The following RPS6KC1 variants were observed in gnomAD, a reference collection of about 807,000 sequenced individuals.
RPS6KC1 encodes ribosomal protein S6 kinase C1, also known as inactive ribosomal protein S6 kinase delta-1.
In RPS6KC1, 54 loss-of-function variants were observed where a neutral mutation model predicts 103.8. The ratio of observed to expected loss-of-function variants is 0.52; its 90% CI spans 0.42 to 0.65. RPS6KC1 has a LOEUF of 0.65. Ranked by LOEUF, RPS6KC1 falls within the 30% of genes least tolerant of loss-of-function variation. RPS6KC1 has a pLI of 0.00. For missense variants in RPS6KC1, 1,151 were observed against 1,253.8 expected (o/e 0.92, Z 1.24); for synonymous variants, 439 against 438.7 (o/e 1.00, Z -0.01).
At chr1:213,634,739 C>T in the RPS6KC1 span, among the ~76,000 whole-genome samples, 2 of 150,100 alleles carry the variant, frequency 1.3e-5, no homozygotes, top group African/African-American at 2.5e-5. Context: ...CAGATCAGAA[C>T]TGAAAGAGAT....
At chr1:213,415,490 G>A in the RPS6KC1 span, among the ~76,000 whole-genome samples, 1,244 of 152,296 alleles carry the variant, frequency 8.2e-3, 8 homozygotes, top group East Asian at 0.022. Flanking sequence ...TGTACAATCC[G>A]AGGTGGGGCA....
chr1:213,180,193 A>T (rs1005939552), intron 8 of RPS6KC1, among the ~76,000 whole-genome samples: 1 of 152,144 alleles, frequency 6.6e-6, no homozygotes, highest in African/African-American at 2.4e-5. Flanking sequence ...CAAATAGTTG[A>T]GGGCTGTCTT....
chr1:213,609,213 C>T, the RPS6KC1 span, among the ~76,000 whole-genome samples: 1,231 of 152,302 alleles, frequency 8.1e-3, 19 homozygotes, highest in African/African-American at 0.029. Context: ...ATCCTGCAAA[C>T]AAATTGTTAA....
the RPS6KC1 span, among the ~76,000 whole-genome samples, chr1:213,536,605 T>C: frequency 1.3e-5 from 2 of 152,254 alleles, no homozygotes; most frequent in East Asian, 3.9e-4. Context: ...TCATCCTACC[T>C]TGATAAAAGG....
the RPS6KC1 span, among the ~76,000 whole-genome samples, chr1:213,796,266 G>A: frequency 3.9e-5 from 6 of 152,158 alleles, no homozygotes; most frequent in South Asian, 8.3e-4. Flanking sequence ...ATGACATTAC[G>A]GTGACTCGCT....
chr1:213,412,436 C>G, the RPS6KC1 span, among the ~76,000 whole-genome samples: 1 of 152,240 alleles, frequency 6.6e-6, no homozygotes, highest in East Asian at 1.9e-4. Flanking sequence ...TCCTGACCAC[C>G]TTACGTCATG....
chr1:213,702,421 T>C, the RPS6KC1 span, among the ~76,000 whole-genome samples: 2 of 152,050 alleles, frequency 1.3e-5, no homozygotes, highest in Non-Finnish European at 2.9e-5. Context: ...TGTAAATATA[T>C]ATTAGATCCT....
intron 9 of RPS6KC1, 144 bp from the exon 10 acceptor site, chr1:213,231,979 C>T (rs1408339096): frequency 3.1e-6 from 3 of 952,950 alleles, no homozygotes; most frequent in Non-Finnish European, 4.8e-6. Flanking sequence ...GACTGGGGGG[C>T]ATAGAGCAGC....
the RPS6KC1 span, among the ~76,000 whole-genome samples, chr1:213,803,855 C>T: frequency 3.3e-5 from 5 of 150,558 alleles, no homozygotes; most frequent in East Asian, 2.0e-4. Flanking sequence ...GAGACTTTCA[C>T]GTACTCTTGT....
the RPS6KC1 span, among the ~76,000 whole-genome samples, chr1:213,764,367 C>T: frequency 6.6e-6 from 1 of 152,294 alleles, no homozygotes; most frequent in African/African-American, 2.4e-5. Flanking sequence ...TCTTCTCCTG[C>T]TCCCTTCAGG....
chr1:213,346,144 A>G, the RPS6KC1 span, among the ~76,000 whole-genome samples: 1 of 152,056 alleles, frequency 6.6e-6, no homozygotes, highest in Admixed American at 6.6e-5. Context: ...AATTTCCTCA[A>G]TTTTTGCCTT....
the RPS6KC1 span, chr1:213,817,647 G>A: frequency 6.6e-6 from 1 of 152,314 alleles, no homozygotes; most frequent in African/African-American, 2.4e-5. Flanking sequence ...TAGAGGATAG[G>A]AATGTTAGTC....
the RPS6KC1 span, among the ~76,000 whole-genome samples, chr1:213,413,688 CA>C: frequency 6.6e-6 from 1 of 152,330 alleles, no homozygotes; most frequent in African/African-American, 2.4e-5. Context: ...GAGTGCAAAG[CA>C]GAAGGTGGTA....
At chr1:213,747,222 C>A in the RPS6KC1 span, among the ~76,000 whole-genome samples, 1 of 151,920 alleles carries the variant, frequency 6.6e-6, no homozygotes. Context: ...GTCCTTGGAG[C>A]CAGGTAAAGA....
the RPS6KC1 span, among the ~76,000 whole-genome samples, chr1:213,284,864 T>G: frequency 6.6e-6 from 1 of 152,186 alleles, no homozygotes; most frequent in Admixed American, 6.5e-5. Context: ...GGGAAAACAT[T>G]TCTAGTTACA....
intron 3 of RPS6KC1, among the ~76,000 whole-genome samples, chr1:213,100,370 G>A (rs976199216): frequency 1.3e-5 from 2 of 152,032 alleles, no homozygotes; most frequent in Non-Finnish European, 2.9e-5. Flanking sequence ...CTCCCAGTCA[G>A]TTGTTCGTCT....
intron 12 of RPS6KC1, among the ~76,000 whole-genome samples, chr1:213,244,329 G>GT (rs1045141348): frequency 6.6e-5 from 10 of 152,044 alleles, no homozygotes; most frequent in African/African-American, 2.2e-4. Flanking sequence ...TAATTTGGGA[G>GT]TTTTTTTGAG....
chr1:213,179,682 T>C (rs1355836158), intron 8 of RPS6KC1, among the ~76,000 whole-genome samples: 1 of 152,164 alleles, frequency 6.6e-6, no homozygotes, highest in East Asian at 1.9e-4. Flanking sequence ...TCTATTAACC[T>C]AGGAAAAATA....
At chr1:213,830,176 C>A in the RPS6KC1 span, among the ~76,000 whole-genome samples, 4 of 152,146 alleles carry the variant, frequency 2.6e-5, no homozygotes, top group Non-Finnish European at 5.9e-5. Flanking sequence ...ATCGCTGATA[C>A]AAGTCTCTGT....
Sources: gnomAD v4.1 joint callset for allele counts (sites outside exome capture counted in the v4.1 genomes callset) on GRCh38, gnomAD v4.1.1 for gene constraint, MANE v1.5 for transcripts, NCBI Gene and HGNC (gene_info 2026-07-23, HGNC 2026-07-21) for gene names.